MIA2: variants seen among roughly 807,000 people sequenced by gnomAD.
MIA2 encodes melanoma inhibitory activity protein 2.
A neutral mutation model predicts 167.8 loss-of-function variants in MIA2; 127 were observed. The ratio of observed to expected loss-of-function variants is 0.76; its 90% CI spans 0.66 to 0.88. The LOEUF is 0.88. Ranked by LOEUF, MIA2 falls within the 40% of genes least tolerant of loss-of-function variation. MIA2 has a pLI of 0.00. For synonymous variants in MIA2, 552 were observed against 541.9 expected (o/e 1.02, Z -0.26); for missense variants, 1,690 against 1,624.7 (o/e 1.04, Z -0.69).
intron 17 of MIA2, among the ~76,000 whole-genome samples, chr14:39,305,796 C>T (rs2063240515): frequency 6.6e-6 from 1 of 151,946 alleles, no homozygotes; most frequent in Non-Finnish European, 1.5e-5. Flanking sequence ...ATTAGTCGGG[C>T]GTGGTGGCAC....
chr14:39,294,957 T>C lies in MIA2; in HGVS notation c.2424T>C (p.Asn808=), dbSNP rs759614528. Residue 808 remains asparagine (N), a synonymous_variant, in exon 13 of 29, where the codon AAT becomes AAC. Coordinates refer to ENST00000640607, the MANE Select transcript of MIA2 (RefSeq NM_001329214.4). ...AKMTFKIFQM[N]EERLKIAIKD... ...TGACCTTCAAGATATTTCAAATGAATGAAGAACGACTGAAGATAGCAATAA... is the reference window on the plus strand; with the variant it reads ...TGACCTTCAAGATATTTCAAATGAACGAAGAACGACTGAAGATAGCAATAA... 1.7e-5 allele frequency: 28 copies of C among 1,613,226 alleles called. No homozygotes were observed. The South Asian group carries it at 3.0e-4, about 17-fold the overall frequency.
chr14:39,294,090 G>T lies in MIA2; in HGVS notation c.2391+19G>T. The T allele has an allele frequency of 6.5e-7, 1 of 1,538,182 alleles. No individual in the cohort carries two copies. Among genetic ancestry groups the T allele is most frequent in the Non-Finnish European group, 8.9e-7 (1 of 1,122,296 alleles). Reference sequence around the variant, plus strand: ...AGCTGAAGTAAGTTGAATTAGTCTAGTAGGTCTGTTGCTTTTGGAAATAAT... The same window carrying T: ...AGCTGAAGTAAGTTGAATTAGTCTATTAGGTCTGTTGCTTTTGGAAATAAT... On this transcript the variant is annotated intron_variant, in intron 12 of 28. Coordinates refer to ENST00000640607, the MANE Select transcript of MIA2 (RefSeq NM_001329214.4).
intron 23 of MIA2, among the ~76,000 whole-genome samples, chr14:39,361,049 A>C (rs1254124865): frequency 2.0e-5 from 3 of 152,188 alleles, no homozygotes; most frequent in Admixed American, 6.5e-5. Context: ...TTTGGTTACT[A>C]TAGCCTTGTA....
At chr14:39,263,786 C>T (rs2055267223) in intron 6 of MIA2, among the ~76,000 whole-genome samples, 1 of 151,998 alleles carries the variant, frequency 6.6e-6, no homozygotes, top group South Asian at 2.1e-4. Flanking sequence ...TGCACACTAC[C>T]ATGCCCAGCT....
intron 23 of MIA2, among the ~76,000 whole-genome samples, chr14:39,364,954 G>A (rs955717754): frequency 2.0e-5 from 3 of 151,674 alleles, no homozygotes; most frequent in Non-Finnish European, 2.9e-5. Flanking sequence ...TACGCATTTG[G>A]GATCTCTGAA....
chr14:39,309,292 T>G (rs544046166), intron 18 of MIA2, among the ~76,000 whole-genome samples: 4 of 152,326 alleles, frequency 2.6e-5, no homozygotes, highest in African/African-American at 9.6e-5. Context: ...ACTCTCGTGC[T>G]CAAAATCCCT....
At chr14:39,297,246 AC>A (rs1297781181) in intron 13 of MIA2, among the ~76,000 whole-genome samples, 5 of 151,620 alleles carry the variant, frequency 3.3e-5, no homozygotes, top group African/African-American at 9.7e-5. Flanking sequence ...GGCATGTACC[AC>A]CATCTGACTA....
rs2058589647 is a variant in MIA2, at chr14:39,279,254, A to C, written c.2020-83A>C. ...AAGGCAATAAGAAACCTGTATTTCTAAGTTGGCAGTAGACGTTAAATGAAT... is the reference window on the plus strand; with the variant it reads ...AAGGCAATAAGAAACCTGTATTTCTCAGTTGGCAGTAGACGTTAAATGAAT... On this transcript the variant is annotated intron_variant, in intron 7 of 28. Coordinates refer to ENST00000640607, the MANE Select transcript of MIA2 (RefSeq NM_001329214.4). 2.2e-5 allele frequency: 25 copies of C among 1,140,128 alleles called. No individual in the cohort carries two copies. The South Asian group carries it at 3.5e-4, about 16-fold the overall frequency. 70.6% of individuals were successfully genotyped at this position (1,140,128 alleles called of 1,614,324 possible). A position where few individuals can be genotyped will look rare whatever the true frequency, so the allele number is the denominator to read the frequency against.
chr14:39,299,930 G>A lies in MIA2; in HGVS notation c.2563G>A (p.Glu855Lys), dbSNP rs921455021. ...ACTTAATAAACAGAAAGTAACATTT[G>A]AAGACTCCAAAGTACATGCAGAACA... ...SELNKQKVTF[E>K]DSKVHAEQVL... Residue 855 changes from glutamate (E) to lysine (K), a missense_variant, in exon 14 of 29, where the codon GAA (glutamate) becomes AAA (lysine). Physicochemically the swap from Glu to Lys is moderately conservative, Grantham distance 56 (BLOSUM62 1). Coordinates refer to ENST00000640607, the MANE Select transcript of MIA2 (RefSeq NM_001329214.4). 3 of 1,610,366 alleles carry A rather than the reference G, an allele frequency of 1.9e-6. No individual in the cohort carries two copies. The African/African-American group carries it at 4.0e-5, about 22-fold the overall frequency.
rs1164651054 is a variant in MIA2, at chr14:39,251,381, T to A, written c.1568-1367T>A. Among the ~76,000 whole-genome samples the A allele has an allele frequency of 3.4e-4, 51 of 151,800 alleles. 2 individuals are homozygous for A. The highest frequency in any genetic ancestry group is 3.3e-3 in the Admixed American group (50 of 15,258). On this transcript the variant is annotated intron_variant, in intron 4 of 28. Transcript: ENST00000640607. ...GACTTAAAATTCTGCTAATAAGCAA[T>A]GATAAAAGCATATCTGTATTTAATA... is the stretch of plus-strand genomic sequence containing the variant.
chr14:39,304,455 A>G, intron 17 of MIA2, 74 bp downstream of exon 17: 2 of 806,400 alleles, frequency 2.5e-6, no homozygotes, highest in Non-Finnish European at 3.8e-6. Context: ...GGTAAAAATG[A>G]ATTGAATTAA....
Position 39,347,617 on chromosome 14 carries a change from A to G in MIA2, c.3779-96A>G, listed in dbSNP as rs578070925. On this transcript the variant is annotated intron_variant, in intron 26 of 28. Coordinates refer to ENST00000640607, the MANE Select transcript of MIA2 (RefSeq NM_001329214.4). ...GTGTCCAGCTGGCTTATGTGCCAAC[A>G]AGGGGAGTGGGAAAATACCAATTTT... 67 of 1,253,728 alleles carry G rather than the reference A, an allele frequency of 5.3e-5. No homozygotes were observed. The African/African-American group carries it at 9.1e-4, about 17-fold the overall frequency. 77.7% of individuals were successfully genotyped at this position (1,253,728 alleles called of 1,614,324 possible). A position where few individuals can be genotyped will look rare whatever the true frequency, so the allele number is the denominator to read the frequency against.
At position 39,326,769 on chromosome 14, in the gene MIA2, TAATTTATGATTTA is replaced by T. The variant is rs2067638133; in HGVS notation, c.3497-93_3497-81del. 5.3e-6 allele frequency: 6 copies of T among 1,133,712 alleles called. No individual in the cohort carries two copies. The Admixed American group carries it at 9.2e-5, about 17-fold the overall frequency. 70.2% of individuals were successfully genotyped at this position (1,133,712 alleles called of 1,614,324 possible). On this transcript the variant is annotated intron_variant, in intron 24 of 28. Transcript: ENST00000640607. Reference sequence around the variant, plus strand: ...TGTTATTTTTCAGACTTTGTATTTATAATTTATGATTTAACCACTGATTTTATGTGTAAAACAA... The same window carrying T: ...TGTTATTTTTCAGACTTTGTATTTATACCACTGATTTTATGTGTAAAACAA...
At chr14:39,355,365 G>T (rs992512200), downstream of MIA2, among the ~76,000 whole-genome samples, 9 of 152,098 alleles carry the variant, frequency 5.9e-5, no homozygotes, top group South Asian at 2.1e-4. Flanking sequence ...TCTATTATTG[G>T]TGTATAAGAA....
At chr14:39,260,098 C>T (rs1046032760) in intron 6 of MIA2, among the ~76,000 whole-genome samples, 2 of 152,088 alleles carry the variant, frequency 1.3e-5, no homozygotes, top group African/African-American at 4.8e-5. Context: ...TTTCTTAATC[C>T]AGTCTGTCAT....
At chr14:39,338,380 T>C (rs2070959930) in intron 25 of MIA2, among the ~76,000 whole-genome samples, 2 of 152,212 alleles carry the variant, frequency 1.3e-5, no homozygotes, top group African/African-American at 2.4e-5. Flanking sequence ...AAAAATCTTA[T>C]TGTATATCAT....
At chr14:39,275,649 TA>T (rs1283587720) in intron 6 of MIA2, among the ~76,000 whole-genome samples, 2 of 152,222 alleles carry the variant, frequency 1.3e-5, no homozygotes, top group African/African-American at 2.4e-5. Context: ...ATACATTAGC[TA>T]AAAGTAAGAT....
chr14:39,347,673 A>G (rs751630432), intron 26 of MIA2, 40 bp from the exon 27 acceptor site: 2 of 1,594,630 alleles, frequency 1.3e-6, no homozygotes, highest in Admixed American at 3.4e-5. Flanking sequence ...GAATAAAGTG[A>G]TAAATCATGT....
intron 9 of MIA2, among the ~76,000 whole-genome samples, chr14:39,288,280 A>G (rs2060084668): frequency 1.3e-5 from 2 of 151,544 alleles, no homozygotes; most frequent in African/African-American, 2.4e-5. Context: ...TGGGCAACAT[A>G]GGAGAACCTA....
Sources: gnomAD v4.1 joint callset for allele counts (sites outside exome capture counted in the v4.1 genomes callset) on GRCh38, gnomAD v4.1.1 for gene constraint, MANE v1.5 for transcripts, NCBI Gene and HGNC (gene_info 2026-07-23, HGNC 2026-07-21) for gene names.